CKAP4: variants seen among roughly 807,000 people sequenced by gnomAD.
CKAP4 encodes cytoskeleton-associated protein 4.
Under a neutral mutation model 24.4 loss-of-function variants are expected in CKAP4, and 20 were observed. That is an observed-to-expected ratio of 0.82 (90% confidence interval 0.58 to 1.19). The LOEUF (loss-of-function observed/expected upper bound fraction) is 1.19. CKAP4 is among the 50% of genes most tolerant of loss of function. The probability of loss-of-function intolerance (pLI) is 0.00; values close to 1 mark genes in which losing one functional copy is unlikely to be tolerated. For synonymous variants in CKAP4, 378 were observed against 351.7 expected (o/e 1.07, Z -0.84); for missense variants, 744 against 765.3 (o/e 0.97, Z 0.33).
At position 106,247,473 on chromosome 12, in the gene CKAP4, C is replaced by T; in HGVS notation, c.379G>A (p.Val127Ile). ...VAAAAFSGWC[V>I]HHVLEEVQQV... ...TGGACCTCCTCCAGGACGTGGTGGA[C>T]GCACCAGCCCGAGAAAGCGGCCGCC... is the stretch of plus-strand genomic sequence containing the variant. Residue 127 changes from valine to isoleucine, a missense_variant, in exon 1 of 2, where the codon GTC becomes ATC. Coordinates refer to ENST00000378026, the MANE Select transcript of CKAP4 (RefSeq NM_006825.4). The surrounding 1 kb of genome is among the most constrained non-coding windows in gnomAD (Gnocchi z 4.5). 3 of 1,546,240 alleles carry T rather than the reference C, an allele frequency of 1.9e-6. No homozygotes were observed. The highest frequency in any genetic ancestry group is 1.7e-6 in the Non-Finnish European group (2 of 1,148,492).
chr12:106,240,841 A>T (rs569203656), intron 1 of CKAP4, among the ~76,000 whole-genome samples: 4 of 152,276 alleles, frequency 2.6e-5, no homozygotes, highest in African/African-American at 7.2e-5. Flanking sequence ...TGGCATTTTA[A>T]AAGAAGGAAA....
rs1291722146 is a variant in CKAP4 at position 106,239,283 on chromosome 12, T to C, written c.1550A>G (p.Asp517Gly). 6.2e-7 allele frequency: 1 copy of C among 1,612,726 alleles called. No individual in the cohort carries two copies. Among genetic ancestry groups the C allele is most frequent in the Non-Finnish European group, 8.5e-7 (1 of 1,180,020 alleles). The change falls in exon 2 of 2, where the codon GAC becomes GGC. Residue 517 changes from aspartate (D) to glycine (G), a missense_variant. This residue lies in a region of CKAP4 where 401 missense variants were observed against 424.5 expected (regional missense o/e 0.94). Transcript: ENST00000378026. This position sits in a 1 kb window ranked among gnomAD's most constrained non-coding sequence, Gnocchi z 4.9. ...QEQVHTLLSQDQAQAARLPPQ... is the reference protein window; with the variant it reads ...QEQVHTLLSQGQAQAARLPPQ... ...AGGCAGACGGGCGGCCTGGGCTTGG[T>C]CCTGACTGAGCAGCGTGTGCACCTG...
In CKAP4 at chr12:106,247,329, C is replaced by A; in HGVS notation, c.483+40G>T. On this transcript the variant is annotated intron_variant, in intron 1 of 1. Coordinates refer to ENST00000378026, the MANE Select transcript of CKAP4 (RefSeq NM_006825.4). The surrounding 1 kb of genome is among the most constrained non-coding windows in gnomAD (Gnocchi z 4.5). ...GGAGCCCGGCCGTGGGTCCGGAGGC[C>A]GCAGTCGATGGGGACAGTTGCGGGG... The A allele has an allele frequency of 6.7e-7, 1 of 1,491,084 alleles. No individual in the cohort carries two copies. The highest frequency in any genetic ancestry group is 8.9e-7 in the Non-Finnish European group (1 of 1,119,458). The allele number at this position is 1,491,084 out of a possible 1,614,324, so 92.4% of individuals were successfully genotyped here.
Position 106,239,685 on chromosome 12 carries a change from T to A in CKAP4, c.1148A>T (p.Asp383Val). Reference protein sequence around the residue: ...LEEELRQLKSDSHGPKEDGGF... With the variant: ...LEEELRQLKSVSHGPKEDGGF... ...TCCGTCCTCCTTCGGCCCGTGGGAA[T>A]CGGACTTCAGCTGGCGGAGCTCTTC... Residue 383 changes from aspartate to valine, a missense_variant, in exon 2 of 2, where the codon GAT (aspartate) becomes GTT (valine). By Grantham distance (152) the Asp-to-Val change is radical. This residue lies in a region of CKAP4 where 401 missense variants were observed against 424.5 expected (regional missense o/e 0.94). Coordinates refer to ENST00000378026, the MANE Select transcript of CKAP4 (RefSeq NM_006825.4). This position sits in a 1 kb window ranked among gnomAD's most constrained non-coding sequence, Gnocchi z 4.9. 1 of 1,614,168 alleles carries A rather than the reference T, an allele frequency of 6.2e-7. No individual in the cohort carries two copies. Among genetic ancestry groups the A allele is most frequent in the Non-Finnish European group, 8.5e-7 (1 of 1,180,018 alleles).
rs2033943913 is a variant in CKAP4 at position 106,239,326 on chromosome 12, G to A, written c.1507C>T (p.Leu503Phe). ...TGCACCTGCTCCTGCACCTTCTGGAGTGATTCCACGGTGCTGGGGAGCTCG... is the reference window on the plus strand; with the variant it reads ...TGCACCTGCTCCTGCACCTTCTGGAATGATTCCACGGTGCTGGGGAGCTCG... ...VGELPSTVES[L>F]QKVQEQVHTL... Residue 503 changes from leucine to phenylalanine, a missense_variant, in exon 2 of 2, where the codon CTC becomes TTC. Around this residue, in one of 3 missense-constraint regions of CKAP4, gnomAD observed 401 missense variants for 424.5 expected, o/e 0.94. Transcript: ENST00000378026. This position sits in a 1 kb window ranked among gnomAD's most constrained non-coding sequence, Gnocchi z 4.9. The A allele has an allele frequency of 3.7e-6, 6 of 1,608,914 alleles. No homozygotes were observed. Among genetic ancestry groups the A allele is most frequent in the Non-Finnish European group, 5.1e-6 (6 of 1,179,996 alleles).
intron 1 of CKAP4, among the ~76,000 whole-genome samples, chr12:106,240,668 CAAAAAAAAA>C (rs34175879): frequency 2.3e-5 from 2 of 86,462 alleles, no homozygotes; most frequent in African/African-American, 8.3e-5. Context: ...TGCTTTGTTG[CAAAAAAAAA>C]AAAAAGAAAA....
At position 106,238,899 on chromosome 12, in the gene CKAP4, T is replaced by C; in HGVS notation, c.*125A>G. On this transcript the variant is annotated 3_prime_UTR_variant, in exon 2 of 2. Coordinates refer to ENST00000378026, the MANE Select transcript of CKAP4 (RefSeq NM_006825.4). ...AAAATACAATGCCTTGGTGTTCAGG[T>C]GGTGACAACTGCTCTTTAAGAGGGG... 3.2e-6 allele frequency: 3 copies of C among 925,470 alleles called. No homozygotes were observed. Among genetic ancestry groups the C allele is most frequent in the Non-Finnish European group, 5.0e-6 (3 of 600,682 alleles). The allele number at this position is 925,470 out of a possible 1,614,324, so 57.3% of individuals were successfully genotyped here.
chr12:106,243,674 G>A (rs1201658796), intron 1 of CKAP4, among the ~76,000 whole-genome samples: 1 of 152,212 alleles, frequency 6.6e-6, no homozygotes, highest in Non-Finnish European at 1.5e-5. Flanking sequence ...CTCTGGGTAA[G>A]GACAGGCCTG....
chr12:106,247,337 A>T lies in CKAP4; in HGVS notation c.483+32T>A. The T allele has an allele frequency of 6.6e-7, 1 of 1,508,062 alleles. No homozygotes were observed. Among genetic ancestry groups the T allele is most frequent in the East Asian group, 2.7e-5 (1 of 37,142 alleles). The allele number at this position is 1,508,062 out of a possible 1,614,324, so 93.4% of individuals were successfully genotyped here. A position where few individuals can be genotyped will look rare whatever the true frequency, so the allele number is the denominator to read the frequency against. ...GCCGTGGGTCCGGAGGCCGCAGTCG[A>T]TGGGGACAGTTGCGGGGCCGGGGGT... On this transcript the variant is annotated intron_variant, in intron 1 of 1. Coordinates refer to ENST00000378026, the MANE Select transcript of CKAP4 (RefSeq NM_006825.4). This position sits in a 1 kb window ranked among gnomAD's most constrained non-coding sequence, Gnocchi z 4.5.
rs572869064 is a variant in CKAP4 at position 106,239,673 on chromosome 12, G to C, written c.1160C>G (p.Pro387Arg). The change falls in exon 2 of 2, where the codon CCG (proline) becomes CGG (arginine). Residue 387 changes from proline to arginine, a missense_variant. Physicochemically the swap from Pro to Arg is moderately radical, Grantham distance 103. Around this residue, in one of 3 missense-constraint regions of CKAP4, gnomAD observed 401 missense variants for 424.5 expected, o/e 0.94. Transcript: ENST00000378026. This position sits in a 1 kb window ranked among gnomAD's most constrained non-coding sequence, Gnocchi z 4.9. ...LRQLKSDSHG[P>R]KEDGGFRHSE... Reference sequence around the variant, plus strand: ...GTGTCTGAAGCCTCCGTCCTCCTTCGGCCCGTGGGAATCGGACTTCAGCTG... The same window carrying C: ...GTGTCTGAAGCCTCCGTCCTCCTTCCGCCCGTGGGAATCGGACTTCAGCTG... The C allele has an allele frequency of 5.6e-6, 9 of 1,614,028 alleles. No individual in the cohort carries two copies. Among genetic ancestry groups the C allele is most frequent in the Admixed American group, 5.0e-5 (3 of 60,006 alleles).
chr12:106,243,040 T>G (rs1434788201), intron 1 of CKAP4, among the ~76,000 whole-genome samples: 11 of 152,254 alleles, frequency 7.2e-5, no homozygotes, highest in Non-Finnish European at 1.5e-4. Flanking sequence ...AAATGTGGGA[T>G]GCCCACTAAG....
chr12:106,247,596 A>AGGC lies in CKAP4; in HGVS notation c.253_255dup (p.Ala85dup). ...GCGGCGGCGGCGGCAGCGGCGGCGG[A>AGGC]GGCGGAGGAGGAGGAGGAGGACTTG... On this transcript the variant is annotated inframe_insertion, in exon 1 of 2. Coordinates refer to ENST00000378026, the MANE Select transcript of CKAP4 (RefSeq NM_006825.4). This position sits in a 1 kb window ranked among gnomAD's most constrained non-coding sequence, Gnocchi z 4.5. The AGGC allele has an allele frequency of 2.3e-6, 3 of 1,300,422 alleles. No homozygotes were observed. The highest frequency in any genetic ancestry group is 3.0e-6 in the Non-Finnish European group (3 of 1,013,332). The allele number at this position is 1,300,422 out of a possible 1,614,324, so 80.6% of individuals were successfully genotyped here. A position where few individuals can be genotyped will look rare whatever the true frequency, so the allele number is the denominator to read the frequency against.
intron 1 of CKAP4, among the ~76,000 whole-genome samples, chr12:106,241,541 G>T (rs2033971029): frequency 6.6e-6 from 1 of 152,018 alleles, no homozygotes; most frequent in Admixed American, 6.5e-5. Context: ...CACCGTTTTA[G>T]CCGGGATGGT....
Position 106,247,700 on chromosome 12 carries a change from GGGTGCGGCGCGGGC to G in CKAP4, c.138_151del (p.Pro47AlafsTer122). 9.6e-7 allele frequency: 1 copy of G among 1,038,676 alleles called. No individual in the cohort carries two copies. Among genetic ancestry groups the G allele is most frequent in the Non-Finnish European group, 1.1e-6 (1 of 876,170 alleles). The allele number at this position is 1,038,676 out of a possible 1,614,324, so 64.3% of individuals were successfully genotyped here. ...CGGGTGCTGCTGCGGGTGCTGCTGC[GGGTGCGGCGCGGGC>G]GGCGGCGGCGGCTGCTGCGGCGCCG... is the stretch of plus-strand genomic sequence containing the variant. On this transcript the variant is annotated frameshift_variant, in exon 1 of 2. Transcript: ENST00000378026. This position sits in a 1 kb window ranked among gnomAD's most constrained non-coding sequence, Gnocchi z 4.5.
rs77195855 is a variant in CKAP4, at chr12:106,239,885, A to T, written c.948T>A (p.Thr316=). 577 of 1,612,324 alleles carry T rather than the reference A, an allele frequency of 3.6e-4. 4 individuals are homozygous for T. In the African/African-American group the frequency reaches 5.3e-3, roughly 15 times the overall value. Residue 316 remains threonine, a synonymous_variant, in exon 2 of 2, where the codon ACT becomes ACA. Coordinates refer to ENST00000378026, the MANE Select transcript of CKAP4 (RefSeq NM_006825.4). This position sits in a 1 kb window ranked among gnomAD's most constrained non-coding sequence, Gnocchi z 4.9. ...CCTCGGTGTAGATGTCAGACTCCATAGTCTGAAGGGTACTTCTCAGGGCCT... is the reference window on the plus strand; with the variant it reads ...CCTCGGTGTAGATGTCAGACTCCATTGTCTGAAGGGTACTTCTCAGGGCCT... ...DMEALRSTLQ[T]MESDIYTEVR... is the part of the protein sequence containing the mutation.
At chr12:106,244,145 T>C (rs902720141) in intron 1 of CKAP4, among the ~76,000 whole-genome samples, 1 of 152,236 alleles carries the variant, frequency 6.6e-6, no homozygotes, top group African/African-American at 2.4e-5. Context: ...ATGGCAAATC[T>C]AACACTGTTC....
intron 1 of CKAP4, among the ~76,000 whole-genome samples, chr12:106,241,457 C>T (rs564510043): frequency 4.0e-5 from 6 of 150,532 alleles, no homozygotes; most frequent in South Asian, 2.1e-4. Flanking sequence ...CTCAGCCTCC[C>T]GAGTAGCTGG....
At chr12:106,246,562 G>C (rs1282755491) in intron 1 of CKAP4, among the ~76,000 whole-genome samples, 2 of 152,158 alleles carry the variant, frequency 1.3e-5, no homozygotes, top group Non-Finnish European at 1.5e-5. Context: ...GGCCAATACG[G>C]TGAAACTTTG....
chr12:106,243,939 C>T (rs796978224), intron 1 of CKAP4, among the ~76,000 whole-genome samples: 23 of 152,256 alleles, frequency 1.5e-4, no homozygotes, highest in African/African-American at 5.3e-4. Context: ...CATGGCTGAC[C>T]CATAGTGAAC....
Sources: gnomAD v4.1 joint callset for allele counts (sites outside exome capture counted in the v4.1 genomes callset) on GRCh38, gnomAD v4.1.1 for gene constraint, gnomAD v4.1.1 regional missense constraint, Gnocchi (gnomAD v3.1) non-coding constraint, MANE v1.5 for transcripts, NCBI Gene and HGNC (gene_info 2026-07-23, HGNC 2026-07-21) for gene names.